ZZEF1: variants seen among roughly 807,000 people sequenced by gnomAD.
ZZEF1 encodes zinc finger ZZ-type and EF-hand domain-containing protein 1.
A neutral mutation model predicts 342.8 loss-of-function variants in ZZEF1; 157 were observed. That is an observed-to-expected ratio of 0.46 (90% CI 0.40 to 0.52). ZZEF1 has a LOEUF of 0.52. Among genes scored for constraint, ZZEF1 ranks in the 20% least tolerant of loss-of-function variants. The pLI, the probability that ZZEF1 is intolerant of heterozygous loss-of-function variation, is 0.00. For synonymous variants in ZZEF1, 1,505 were observed against 1,429.1 expected, an observed-to-expected ratio of 1.05 and a Z score of -1.20; for missense variants, 3,480 against 3,725.6, an observed-to-expected ratio of 0.93 and a Z score of 1.72.
chr17:4,050,983 C>T lies in ZZEF1; in HGVS notation c.5661G>A (p.Arg1887=), dbSNP rs574584663. 6.2e-7 allele frequency: 1 copy of T among 1,614,190 alleles called. No homozygotes were observed. Among genetic ancestry groups the T allele is most frequent in the East Asian group, 2.2e-5 (1 of 44,892 alleles). The change falls in exon 36 of 55, where the codon CGG becomes CGA. Residue 1887 remains arginine, a synonymous_variant. Coordinates refer to ENST00000381638, the MANE Select transcript of ZZEF1 (RefSeq NM_015113.4). The part of the protein sequence containing the change: ...HPMVTIRISD[R]QRLIQPYIHN... ...GGATATATGGCTGGATGAGCCTCTG[C>T]CGGTCACTGATCCGAATGGTTACCA...
intron 1 of ZZEF1, among the ~76,000 whole-genome samples, chr17:4,132,473 C>T (rs9891258): frequency 4.6e-5 from 7 of 151,648 alleles, no homozygotes; most frequent in Non-Finnish European, 1.0e-4. Context: ...TCAAGGTGGG[C>T]GGTTCACGAG....
At position 4,006,356 on chromosome 17, in the gene ZZEF1, G is replaced by C. The variant is rs1299883546; in HGVS notation, c.*534C>G. On this transcript the variant is annotated 3_prime_UTR_variant, in exon 55 of 55. Coordinates refer to ENST00000381638, the MANE Select transcript of ZZEF1 (RefSeq NM_015113.4). ...CGTGCAGGGAGCTAGCTCGATGCCTGGTTCTGTACTGGATGCTTGGGGATC... is the reference window on the plus strand; with the variant it reads ...CGTGCAGGGAGCTAGCTCGATGCCTCGTTCTGTACTGGATGCTTGGGGATC... The C allele has an allele frequency of 5.6e-6, 1 of 178,214 alleles. No individual in the cohort carries two copies. Among genetic ancestry groups the C allele is most frequent in the African/African-American group, 2.4e-5 (1 of 41,652 alleles). 11.0% of individuals were successfully genotyped at this position (178,214 alleles called of 1,614,324 possible).
At chr17:4,098,241 CAAAAA>C (rs61342066) in intron 9 of ZZEF1, among the ~76,000 whole-genome samples, 3 of 103,344 alleles carry the variant, frequency 2.9e-5, no homozygotes, top group Admixed American at 1.0e-4. Flanking sequence ...GACTCCAACT[CAAAAA>C]AAAAAAAAAA....
chr17:4,022,684 A>G (rs1381839085), intron 44 of ZZEF1, 25 bp downstream of exon 44: 1 of 1,613,196 alleles, frequency 6.2e-7, no homozygotes, highest in Non-Finnish European at 8.5e-7. Context: ...AGGAAAGAGG[A>G]GCAGGAGTCC....
At chr17:4,028,804 C>T (rs1343934346) in intron 42 of ZZEF1, among the ~76,000 whole-genome samples, 2 of 152,108 alleles carry the variant, frequency 1.3e-5, no homozygotes, top group African/African-American at 4.8e-5. Flanking sequence ...ATATGAACAG[C>T]CAACTATAAG....
chr17:4,095,542 G>A (rs2058019063), intron 11 of ZZEF1, among the ~76,000 whole-genome samples: 1 of 152,168 alleles, frequency 6.6e-6, no homozygotes, highest in Non-Finnish European at 1.5e-5. Context: ...AAAGACTGCA[G>A]GCTGTCCACA....
At chr17:4,078,390 T>TA (rs528305423) in intron 18 of ZZEF1, among the ~76,000 whole-genome samples, 18 of 152,148 alleles carry the variant, frequency 1.2e-4, no homozygotes, top group Non-Finnish European at 2.5e-4. Context: ...TCTCCCACCT[T>TA]AAAAAAATCA....
In ZZEF1 at chr17:4,016,469, G is replaced by T; in HGVS notation, c.8002-3C>A. 1 of 1,607,082 alleles carries T rather than the reference G, an allele frequency of 6.2e-7. No homozygotes were observed. On this transcript the variant is annotated splice_region_variant and splice_polypyrimidine_tract_variant and intron_variant, in intron 48 of 54. Coordinates refer to ENST00000381638, the MANE Select transcript of ZZEF1 (RefSeq NM_015113.4). The surrounding 1 kb of genome is among the most constrained non-coding windows in gnomAD (Gnocchi z 4.4). ...CCCTGGAGCACTTTCTGCAGGATCT[G>T]GTGGGAAGCAGACAGATAAGGTCAG... is the stretch of plus-strand genomic sequence containing the variant.
intron 9 of ZZEF1, among the ~76,000 whole-genome samples, chr17:4,098,456 A>G (rs926532910): frequency 2.6e-5 from 4 of 152,182 alleles, no homozygotes; most frequent in Non-Finnish European, 4.4e-5. Flanking sequence ...AAATAAATTA[A>G]AAGTATGAAT....
intron 6 of ZZEF1, among the ~76,000 whole-genome samples, chr17:4,107,598 A>G (rs928840978): frequency 6.6e-6 from 1 of 152,268 alleles, no homozygotes; most frequent in African/African-American, 2.4e-5. Flanking sequence ...CAGCTCTGCA[A>G]AAGATGCTGG....
In ZZEF1 at chr17:4,142,548, G is replaced by A. The variant is rs184328255; in HGVS notation, c.348C>T (p.Phe116=). 172 of 1,597,316 alleles carry A rather than the reference G, an allele frequency of 1.1e-4. No individual in the cohort carries two copies. The highest frequency in any genetic ancestry group is 1.4e-4 in the Non-Finnish European group (163 of 1,177,728). Residue 116 remains phenylalanine (F), a synonymous_variant, in exon 1 of 55, where the codon TTC becomes TTT. Coordinates refer to ENST00000381638, the MANE Select transcript of ZZEF1 (RefSeq NM_015113.4). ...GTCGCCTGCCGGCCCTGACCTCCTC[G>A]AACTGCTCGCTAGAGCAGCCGGCGC... is the stretch of plus-strand genomic sequence containing the variant. ...ARGAGCSSEQ[F]EEAFAQFDAE... is the part of the protein sequence containing the mutation.
At chr17:4,112,587 C>T (rs1202812560) in intron 5 of ZZEF1, 22 bp downstream of exon 5, 2 of 1,613,336 alleles carry the variant, frequency 1.2e-6, no homozygotes, top group Non-Finnish European at 1.7e-6. Flanking sequence ...TTTCCCTATC[C>T]CCTCAGTTCT....
intron 37 of ZZEF1, among the ~76,000 whole-genome samples, chr17:4,047,033 G>A (rs1010918803): frequency 6.6e-6 from 1 of 152,144 alleles, no homozygotes; most frequent in Non-Finnish European, 1.5e-5. Flanking sequence ...GGACAGTGCT[G>A]GAAATTGCTT....
At chr17:4,039,867 A>C (rs1230847031) in intron 39 of ZZEF1, among the ~76,000 whole-genome samples, 1 of 151,930 alleles carries the variant, frequency 6.6e-6, no homozygotes. Flanking sequence ...GATGGTCTCG[A>C]TCTCCTGACC....
At chr17:4,036,811 ACACACACTCTCTCTCT>A (rs1370815670) in intron 39 of ZZEF1, among the ~76,000 whole-genome samples, 5 of 93,974 alleles carry the variant, frequency 5.3e-5, no homozygotes, top group East Asian at 2.4e-4. Flanking sequence ...ACACACACAC[ACACACACTCTCTCTCT>A]CTCTCTCTCT....
chr17:4,011,575 T>G (rs1488975919), intron 52 of ZZEF1, among the ~76,000 whole-genome samples: 1 of 151,856 alleles, frequency 6.6e-6, no homozygotes. Context: ...GTGTTTTTAC[T>G]CAGAGGAAGG....
rs1336966625 is a variant in ZZEF1, at chr17:4,123,926, C to A, written c.480G>T (p.Gln160His). The change falls in exon 2 of 55, where the codon CAG becomes CAT. Residue 160 changes from glutamine to histidine, a missense_variant. Coordinates refer to ENST00000381638, the MANE Select transcript of ZZEF1 (RefSeq NM_015113.4). ...GELSHIIRQLQACSLVPGFTD... is the reference protein window; with the variant it reads ...GELSHIIRQLHACSLVPGFTD... ...CCTCACCTGGAACCAGAGAGCAGGC[C>A]TGTAGTTGTCTGATGATGTGGCTCA... 6.2e-7 allele frequency: 1 copy of A among 1,613,908 alleles called. No homozygotes were observed. Among genetic ancestry groups the A allele is most frequent in the Admixed American group, 1.7e-5 (1 of 59,976 alleles).
intron 2 of ZZEF1, among the ~76,000 whole-genome samples, chr17:4,120,554 G>A (rs2145533323): frequency 6.6e-6 from 1 of 152,332 alleles, no homozygotes; most frequent in South Asian, 2.1e-4. Flanking sequence ...GAAGCCAGGA[G>A]TGGCTCAGTC....
intron 11 of ZZEF1, among the ~76,000 whole-genome samples, chr17:4,095,183 C>T (rs948654640): frequency 1.3e-5 from 2 of 152,166 alleles, no homozygotes; most frequent in Admixed American, 6.5e-5. Flanking sequence ...TGAAGCTGCC[C>T]TCTCTGCTTA....
Sources: gnomAD v4.1 joint callset for allele counts (sites outside exome capture counted in the v4.1 genomes callset) on GRCh38, gnomAD v4.1.1 for gene constraint, Gnocchi (gnomAD v3.1) non-coding constraint, MANE v1.5 for transcripts, NCBI Gene and HGNC (gene_info 2026-07-23, HGNC 2026-07-21) for gene names.